Variants in THOC5 observed in about 807,000 individuals in gnomAD.
THOC5 encodes THO complex subunit 5, also known as Fms-interacting protein.
THOC5 carries 43 observed loss-of-function variants against 92.9 expected under a neutral mutation model. The observed-to-expected ratio is 0.46, with a 90% confidence interval of 0.36 to 0.60. THOC5 has a LOEUF of 0.60. THOC5 is among the 20% of genes least tolerant of loss of function. The pLI is 0.00. For synonymous variants in THOC5, 296 were observed against 320.1 expected (o/e 0.92, Z 0.80); for missense variants, 659 against 849.4 (o/e 0.78, Z 2.79).
intron 3 of THOC5, 32 bp downstream of exon 3, chr22:29,544,428 C>A (rs1375953058): frequency 6.2e-7 from 1 of 1,603,744 alleles, no homozygotes; most frequent in Non-Finnish European, 8.5e-7. Context: ...GTAAACCCAC[C>A]AGGTTCACGG....
At chr22:29,515,409 C>G (rs201619849) in intron 17 of THOC5, among the ~76,000 whole-genome samples, 3 of 152,100 alleles carry the variant, frequency 2.0e-5, no homozygotes, top group African/African-American at 7.2e-5. Context: ...AACTTTTATA[C>G]GTACTGGGAA....
chr22:29,520,577 C>T (rs1036962590), intron 13 of THOC5, among the ~76,000 whole-genome samples: 19 of 152,278 alleles, frequency 1.2e-4, no homozygotes, highest in African/African-American at 4.3e-4. Flanking sequence ...CTCACTGCAG[C>T]CTCAACCTCC....
intron 6 of THOC5, among the ~76,000 whole-genome samples, chr22:29,538,019 G>A (rs2063795566): frequency 6.6e-6 from 1 of 152,150 alleles, no homozygotes; most frequent in South Asian, 2.1e-4. Flanking sequence ...GTCTCATTCT[G>A]TCGCCCAGGC....
intron 5 of THOC5, among the ~76,000 whole-genome samples, chr22:29,541,274 C>G (rs1054696585): frequency 5.9e-5 from 9 of 151,986 alleles, no homozygotes; most frequent in African/African-American, 1.9e-4. Context: ...TTTTGGGAGG[C>G]CAAGGCAGGT....
intron 12 of THOC5, among the ~76,000 whole-genome samples, chr22:29,524,993 C>T (rs990024858): frequency 7.2e-5 from 11 of 152,126 alleles, no homozygotes; most frequent in African/African-American, 2.4e-4. Context: ...CATGATTGGG[C>T]CAGGTATGGT....
At position 29,549,055 on chromosome 22, in the gene THOC5, C is replaced by A. The variant is rs199976569; in HGVS notation, c.93G>T (p.Glu31Asp). 7.7e-5 allele frequency: 124 copies of A among 1,613,882 alleles called. No individual in the cohort carries two copies. Among genetic ancestry groups the A allele is most frequent in the Non-Finnish European group, 1.0e-4 (122 of 1,179,974 alleles). ...TGGCAACCCTGACTGATCTCACCTGCTCGGTGTCAGATCGATTCCGCTTTC... is the reference window on the plus strand; with the variant it reads ...TGGCAACCCTGACTGATCTCACCTGATCGGTGTCAGATCGATTCCGCTTTC... ...AEGKRNRSDT[E>D]QEGKYYSEEA... The change falls in exon 2 of 20, where the codon GAG becomes GAT. Residue 31 changes from glutamate to aspartate, a missense_variant. Coordinates refer to ENST00000490103, the MANE Select transcript of THOC5 (RefSeq NM_003678.5).
Position 29,508,479 on chromosome 22 carries a change from T to A in THOC5, c.2030A>T (p.Gln677Leu). The A allele has an allele frequency of 6.2e-7, 1 of 1,614,184 alleles. No individual in the cohort carries two copies. Among genetic ancestry groups the A allele is most frequent in the East Asian group, 2.2e-5 (1 of 44,882 alleles). ...RMKPFKYNHP[Q>L]GFFSHR ...AGATCAGCGATGGCTGAAGAATCCC[T>A]GAGGATGGTTGTATTTAAATGGCTT... The change falls in exon 20 of 20, where the codon CAG (glutamine) becomes CTG (leucine). Residue 677 changes from glutamine (Q) to leucine (L), a missense_variant. Gln to Leu is a moderately radical substitution (Grantham distance 113). Transcript: ENST00000490103.
At position 29,508,611 on chromosome 22, in the gene THOC5, G is replaced by A. The variant is rs1193753875; in HGVS notation, c.1989-91C>T. On this transcript the variant is annotated intron_variant, in intron 19 of 19. Coordinates refer to ENST00000490103, the MANE Select transcript of THOC5 (RefSeq NM_003678.5). ...TCATTCACACAAGGGAAAAAGAAGAGGCAGAGTTACATGACACAGAATGTT... is the reference window on the plus strand; with the variant it reads ...TCATTCACACAAGGGAAAAAGAAGAAGCAGAGTTACATGACACAGAATGTT... The A allele has an allele frequency of 4.3e-6, 5 of 1,156,602 alleles. No homozygotes were observed. The East Asian group carries it at 1.2e-4, about 28-fold the overall frequency. 71.6% of individuals were successfully genotyped at this position (1,156,602 alleles called of 1,614,324 possible). A position where few individuals can be genotyped will look rare whatever the true frequency, so the allele number is the denominator to read the frequency against.
At position 29,542,846 on chromosome 22, in the gene THOC5, C is replaced by A; in HGVS notation, c.452+13G>T. ...AGACCACATGTGCCAAAGCCCTGTC[C>A]TCCCAAACTCACTTAAACTCCAAAC... On this transcript the variant is annotated intron_variant, in intron 5 of 19. Transcript: ENST00000490103. 1 of 1,595,354 alleles carries A rather than the reference C, an allele frequency of 6.3e-7. No homozygotes were observed. Among genetic ancestry groups the A allele is most frequent in the Admixed American group, 1.7e-5 (1 of 59,700 alleles).
At chr22:29,520,928 A>G (rs1044873438) in intron 13 of THOC5, 70 bp downstream of exon 13, 1 of 1,223,218 alleles carries the variant, frequency 8.2e-7, no homozygotes, top group Non-Finnish European at 1.2e-6. Context: ...ACAGGTCTCC[A>G]GCATTTAGCT....
intron 5 of THOC5, among the ~76,000 whole-genome samples, chr22:29,541,279 G>C (rs737981): frequency 1.3e-4 from 19 of 151,880 alleles, no homozygotes; most frequent in African/African-American, 4.1e-4. Flanking sequence ...GGAGGCCAAG[G>C]CAGGTGGATC....
chr22:29,527,933 C>G, intron 11 of THOC5, 145 bp downstream of exon 11: 1 of 719,812 alleles, frequency 1.4e-6, no homozygotes, highest in East Asian at 2.7e-5. Flanking sequence ...AAAGTCCATG[C>G]AAAACAATAA....
rs752285949 is a variant in THOC5 at position 29,517,243 on chromosome 22, C to T, written c.1593+20G>A. On this transcript the variant is annotated intron_variant, in intron 16 of 19. Coordinates refer to ENST00000490103, the MANE Select transcript of THOC5 (RefSeq NM_003678.5). Reference sequence around the variant, plus strand: ...GCAATCCTCAGGACAGTAAGGGTAACTTGTCACTCCTTCACCTACCATGTA... The same window carrying T: ...GCAATCCTCAGGACAGTAAGGGTAATTTGTCACTCCTTCACCTACCATGTA... 4 of 1,611,596 alleles carry T rather than the reference C, an allele frequency of 2.5e-6. No individual in the cohort carries two copies. Among genetic ancestry groups the T allele is most frequent in the Non-Finnish European group, 3.4e-6 (4 of 1,177,818 alleles).
chr22:29,516,147 GA>G (rs57982377), intron 17 of THOC5, among the ~76,000 whole-genome samples: 25,494 of 121,608 alleles, frequency 0.21, 2,433 homozygotes, highest in Middle Eastern at 0.26. Flanking sequence ...TATCTCTACT[GA>G]AAAAAAAAAA....
At position 29,550,988 on chromosome 22, in the gene THOC5, AAAC is replaced by A. The variant is rs551213692; in HGVS notation, c.-11-1833_-11-1831del. The A allele has an allele frequency of 1.1e-3, 162 of 152,302 alleles. 1 individual carries two copies. The highest frequency in any genetic ancestry group is 3.8e-3 in the African/African-American group (156 of 41,566). 9.4% of individuals were successfully genotyped at this position (152,302 alleles called of 1,614,324 possible). A position where few individuals can be genotyped will look rare whatever the true frequency, so the allele number is the denominator to read the frequency against. ...CAAAAGAACTCTATCCCACAGCCTT[AAAC>A]AACAAAATCTAGCCAGAGTTTGTTA... On this transcript the variant is annotated intron_variant, in intron 1 of 19. Transcript: ENST00000490103.
At chr22:29,540,228 C>CG (rs2063852589) in intron 5 of THOC5, among the ~76,000 whole-genome samples, 2 of 152,118 alleles carry the variant, frequency 1.3e-5, no homozygotes, top group South Asian at 4.1e-4. Flanking sequence ...GCCAGGATTG[C>CG]GCCATTGCAC....
chr22:29,552,086 G>A (rs2146582243), intron 1 of THOC5, among the ~76,000 whole-genome samples: 1 of 152,276 alleles, frequency 6.6e-6, no homozygotes, highest in South Asian at 2.1e-4. Flanking sequence ...TTCACTCAGT[G>A]CTCAATGGTG....
At chr22:29,549,806 T>G (rs2146573140) in intron 1 of THOC5, among the ~76,000 whole-genome samples, 1 of 152,162 alleles carries the variant, frequency 6.6e-6, no homozygotes, top group African/African-American at 2.4e-5. Context: ...CACCCTGCAA[T>G]CCCAGTTCCC....
Position 29,539,444 on chromosome 22 carries a change from A to G in THOC5, c.485T>C (p.Leu162Ser). ...TGGAGCCTCCTTATAAAACTCCTCT[A>G]AACTGACCAGATCAATTTCTTCATG... ...SKHEEIDLVS[L>S]EEFYKEAPPD... is the part of the protein sequence containing the mutation. The change falls in exon 6 of 20, where the codon TTA becomes TCA. Residue 162 changes from leucine to serine, a missense_variant. Coordinates refer to ENST00000490103, the MANE Select transcript of THOC5 (RefSeq NM_003678.5). 1.9e-6 allele frequency: 3 copies of G among 1,614,072 alleles called. No individual in the cohort carries two copies. Among genetic ancestry groups the G allele is most frequent in the Non-Finnish European group, 2.5e-6 (3 of 1,180,010 alleles).
Sources: gnomAD v4.1 joint callset for allele counts (sites outside exome capture counted in the v4.1 genomes callset) on GRCh38, gnomAD v4.1.1 for gene constraint, MANE v1.5 for transcripts, NCBI Gene and HGNC (gene_info 2026-07-23, HGNC 2026-07-21) for gene names.